CYB5D2: variants seen among roughly 807,000 people sequenced by gnomAD.
The protein encoded by CYB5D2 is cytochrome b5 domain containing 2, also known as neuferricin.
In CYB5D2, 23 loss-of-function variants were observed where a neutral mutation model predicts 22.8. That is an observed-to-expected ratio of 1.01 (90% CI 0.73 to 1.43). CYB5D2 has a LOEUF of 1.43. CYB5D2 is among the 40% of genes most tolerant of loss of function. The probability of loss-of-function intolerance (pLI) is 0.00; values close to 1 mark genes in which losing one functional copy is unlikely to be tolerated. For missense variants in CYB5D2, 373 were observed against 357.2 expected, an observed-to-expected ratio of 1.04 and a Z score of -0.36; for synonymous variants, 170 against 152.2, an observed-to-expected ratio of 1.12 and a Z score of -0.86.
chr17:4,147,952 G>C (rs2059011158), intron 1 of CYB5D2, among the ~76,000 whole-genome samples: 1 of 152,246 alleles, frequency 6.6e-6, no homozygotes, highest in Non-Finnish European at 1.5e-5. Flanking sequence ...TCATAGAACA[G>C]AGGGAAGCCT....
chr17:4,156,874 T>C lies in CYB5D2; in HGVS notation c.587T>C (p.Val196Ala). 3 of 1,612,660 alleles carry C rather than the reference T, an allele frequency of 1.9e-6. No individual in the cohort carries two copies. The highest frequency in any genetic ancestry group is 1.7e-6 in the Non-Finnish European group (2 of 1,179,994). ...TTTCCGTCTATCCTTAGTGGAGGTG[T>C]GAGCAGAGACTGGATTGGCGTCCCC... ...RLWCSQKSGG[V>A]SRDWIGVPRK... Residue 196 changes from valine to alanine, a missense_variant, in exon 4 of 4, where the codon GTG becomes GCG. Coordinates refer to ENST00000301391, the MANE Select transcript of CYB5D2 (RefSeq NM_144611.4).
In CYB5D2 at chr17:4,149,895, A is replaced by G. The variant is rs753407187; in HGVS notation, c.255A>G (p.Arg85=). 6.2e-7 allele frequency: 1 copy of G among 1,613,758 alleles called. No individual in the cohort carries two copies. The highest frequency in any genetic ancestry group is 1.3e-5 in the African/African-American group (1 of 75,034). Residue 85 remains arginine, a synonymous_variant, in exon 2 of 4, where the codon CGA becomes CGG. Coordinates refer to ENST00000301391, the MANE Select transcript of CYB5D2 (RefSeq NM_144611.4). ...PGSHYSGFAG[R]DASRAFVTGD... ...ATGGAAACATCTCTGTTCCAGGCCGAGACGCATCCAGAGCTTTCGTGACCG... is the reference window on the plus strand; with the variant it reads ...ATGGAAACATCTCTGTTCCAGGCCGGGACGCATCCAGAGCTTTCGTGACCG...
intron 1 of CYB5D2, among the ~76,000 whole-genome samples, chr17:4,146,625 C>T (rs1342974497): frequency 6.6e-6 from 1 of 151,724 alleles, no homozygotes; most frequent in Non-Finnish European, 1.5e-5. Flanking sequence ...CTCCTGACCT[C>T]GTGATCTGCC....
chr17:4,143,717 C>A lies in CYB5D2; in HGVS notation c.-39C>A, dbSNP rs180807759. On this transcript the variant is annotated 5_prime_UTR_variant, in exon 1 of 4. Coordinates refer to ENST00000301391, the MANE Select transcript of CYB5D2 (RefSeq NM_144611.4). Reference sequence around the variant, plus strand: ...CGGCCATCTTAGCTGTAGATAGAGGCGGCAACCTCGGAAGTGCGGAGCGGG... The same window carrying A: ...CGGCCATCTTAGCTGTAGATAGAGGAGGCAACCTCGGAAGTGCGGAGCGGG... 57 of 1,572,424 alleles carry A rather than the reference C, an allele frequency of 3.6e-5. No individual in the cohort carries two copies. In the Middle Eastern group the frequency reaches 6.1e-4, roughly 17 times the overall value.
chr17:4,154,296 T>G (rs957095592), intron 2 of CYB5D2, among the ~76,000 whole-genome samples: 1 of 152,150 alleles, frequency 6.6e-6, no homozygotes, highest in East Asian at 1.9e-4. Context: ...AATAAACATT[T>G]AAAAAATGTT....
chr17:4,156,867 G>A lies in CYB5D2; in HGVS notation c.580G>A (p.Gly194Arg), dbSNP rs370232168. 1.9e-6 allele frequency: 3 copies of A among 1,612,532 alleles called. No homozygotes were observed. Among genetic ancestry groups the A allele is most frequent in the South Asian group, 2.2e-5 (2 of 91,012 alleles). Residue 194 changes from glycine to arginine, a missense_variant and splice_region_variant, in exon 4 of 4, where the codon GGA becomes AGA. Transcript: ENST00000301391. ...AGTCCTCTTTCCGTCTATCCTTAGT[G>A]GAGGTGTGAGCAGAGACTGGATTGG... ...GSRLWCSQKS[G>R]GVSRDWIGVP...
chr17:4,152,546 C>G (rs972252358), intron 2 of CYB5D2, among the ~76,000 whole-genome samples: 1 of 152,172 alleles, frequency 6.6e-6, no homozygotes. Context: ...GACACAGATT[C>G]TAGAACTCTT....
Position 4,143,529 on chromosome 17 carries a change from GAAA to G in CYB5D2, c.-214_-212del, listed in dbSNP as rs57320078. The G allele has an allele frequency of 4.1e-3, 1,453 of 353,844 alleles. No homozygotes were observed. The highest frequency in any genetic ancestry group is 6.1e-3 in the South Asian group (129 of 21,218). The allele number at this position is 353,844 out of a possible 1,614,324, so 21.9% of individuals were successfully genotyped here. The stretch of plus-strand genomic sequence containing the variant: ...CAACAAGAGCTAAAACTCTGTCTCA[GAAA>G]AAAAAAAAAAAAGTACCTGGAAAAA... On this transcript the variant is annotated 5_prime_UTR_variant, in exon 1 of 4. Transcript: ENST00000301391.
chr17:4,147,029 TTATC>T (rs1382245167), intron 1 of CYB5D2, among the ~76,000 whole-genome samples: 10 of 152,234 alleles, frequency 6.6e-5, no homozygotes, highest in African/African-American at 2.2e-4. Flanking sequence ...ATACCACATT[TTATC>T]TATCAGTTGA....
intron 3 of CYB5D2, among the ~76,000 whole-genome samples, chr17:4,155,311 C>T (rs1315070073): frequency 6.6e-6 from 1 of 152,084 alleles, no homozygotes; most frequent in Non-Finnish European, 1.5e-5. Context: ...GCTTCAACTG[C>T]TGTCTTAAAA....
chr17:4,144,493 C>T (rs765127497), intron 1 of CYB5D2, among the ~76,000 whole-genome samples: 23 of 152,138 alleles, frequency 1.5e-4, no homozygotes, highest in Non-Finnish European at 3.1e-4. Flanking sequence ...TGCATCAATA[C>T]TTTATTCCTT....
chr17:4,154,288 T>A (rs1160910624), intron 2 of CYB5D2, among the ~76,000 whole-genome samples: 1 of 152,184 alleles, frequency 6.6e-6, no homozygotes, highest in African/African-American at 2.4e-5. Flanking sequence ...TCTATTATAA[T>A]AAACATTTAA....
Position 4,157,432 on chromosome 17 carries a change from A to G in CYB5D2, c.*350A>G, listed in dbSNP as rs958736605. ...CTGCTGAGTTGATTACAGCTGGGCCAATACAGTACGAGGCAATAACAAATT... is the reference window on the plus strand; with the variant it reads ...CTGCTGAGTTGATTACAGCTGGGCCGATACAGTACGAGGCAATAACAAATT... On this transcript the variant is annotated 3_prime_UTR_variant, in exon 4 of 4. Transcript: ENST00000301391. This position sits in a 1 kb window ranked among gnomAD's most constrained non-coding sequence, Gnocchi z 4.4. 2.8e-6 allele frequency: 1 copy of G among 358,388 alleles called. No individual in the cohort carries two copies. The highest frequency in any genetic ancestry group is 2.1e-5 in the African/African-American group (1 of 48,222). The allele number at this position is 358,388 out of a possible 1,614,324, so 22.2% of individuals were successfully genotyped here. A position where few individuals can be genotyped will look rare whatever the true frequency, so the allele number is the denominator to read the frequency against.
chr17:4,154,194 C>T (rs566360583), intron 2 of CYB5D2, among the ~76,000 whole-genome samples: 1 of 152,262 alleles, frequency 6.6e-6, no homozygotes, highest in East Asian at 1.9e-4. Flanking sequence ...ACCTGTACCC[C>T]CATCTACTCA....
At chr17:4,146,937 A>G (rs1359666200) in intron 1 of CYB5D2, among the ~76,000 whole-genome samples, 1 of 152,100 alleles carries the variant, frequency 6.6e-6, no homozygotes, top group Non-Finnish European at 1.5e-5. Context: ...GGGTTCATCC[A>G]TGGTGTACCA....
chr17:4,154,871 TCCC>T lies in CYB5D2; in HGVS notation c.578+13_578+15del. ...GTGCTCCCAGAAGAGGTAAGCAGGC[TCCC>T]CTTCTTCTCCTTTCTGCCTGTCCCA... On this transcript the variant is annotated intron_variant, in intron 3 of 3. Transcript: ENST00000301391. 6.2e-7 allele frequency: 1 copy of T among 1,603,126 alleles called. No homozygotes were observed. Among genetic ancestry groups the T allele is most frequent in the Non-Finnish European group, 8.5e-7 (1 of 1,174,306 alleles).
Position 4,143,742 on chromosome 17 carries a change from G to T in CYB5D2, c.-14G>T, listed in dbSNP as rs774034912. The T allele has an allele frequency of 4.4e-6, 7 of 1,604,384 alleles. No individual in the cohort carries two copies. Among genetic ancestry groups the T allele is most frequent in the Admixed American group, 3.4e-5 (2 of 59,188 alleles). ...CGGCAACCTCGGAAGTGCGGAGCGG[G>T]TGGGCCTATATAGATGTTGAGGTGC... On this transcript the variant is annotated 5_prime_UTR_variant, in exon 1 of 4. Transcript: ENST00000301391.
At position 4,154,743 on chromosome 17, in the gene CYB5D2, C is replaced by T. The variant is rs551095781; in HGVS notation, c.461C>T (p.Ala154Val). ...PTPALTQVEA[A>V]ITRGLEANKL... ...CCGGCACTGACCCAGGTAGAAGCTG[C>T]GATCACCAGAGGCTTGGAGGCCAAC... Residue 154 changes from alanine (A) to valine (V), a missense_variant, in exon 3 of 4, where the codon GCG becomes GTG. Physicochemically the swap from Ala to Val is moderately conservative, Grantham distance 64 (BLOSUM62 0). Transcript: ENST00000301391. 1.2e-5 allele frequency: 20 copies of T among 1,614,148 alleles called. No homozygotes were observed. In the East Asian group the frequency reaches 2.0e-4, roughly 16 times the overall value.
chr17:4,143,334 C>G lies in CYB5D2; in HGVS notation c.-422C>G. 1 of 173,252 alleles carries G rather than the reference C, an allele frequency of 5.8e-6. No homozygotes were observed. Among genetic ancestry groups the G allele is most frequent in the South Asian group, 1.4e-4 (1 of 7,318 alleles). 10.7% of individuals were successfully genotyped at this position (173,252 alleles called of 1,614,324 possible). ...CTGAGGTCAGGAGTTCGAGACCAGC[C>G]TGACCAACGTGGTGAAACCCTGTCT... On this transcript the variant is annotated 5_prime_UTR_variant, in exon 1 of 4. Transcript: ENST00000301391.
Sources: allele counts gnomAD v4.1 joint callset (sites outside exome capture counted in the v4.1 genomes callset), GRCh38; gene constraint gnomAD v4.1.1; non-coding constraint Gnocchi (gnomAD v3.1); transcripts MANE v1.5; gene names NCBI Gene and HGNC (gene_info 2026-07-23, HGNC 2026-07-21).